PACRGL: variants seen among roughly 807,000 people sequenced by gnomAD.
PACRGL encodes the protein parkin coregulated like, also known as PACRG-like protein.
Under a neutral mutation model 34.5 loss-of-function variants are expected in PACRGL, and 38 were observed. The ratio of observed to expected loss-of-function variants is 1.10; its 90% CI spans 0.85 to 1.44. The LOEUF (loss-of-function observed/expected upper bound fraction) is 1.44. Ranked by LOEUF, PACRGL falls within the 40% of genes most tolerant of loss-of-function variation. The pLI, the probability that PACRGL is intolerant of heterozygous loss-of-function variation, is 0.00. For synonymous variants in PACRGL, 128 were observed against 100.1 expected (o/e 1.28, Z -1.66); for missense variants, 305 against 281.4 (o/e 1.08, Z -0.60).
At chr4:20,756,120 A>G (rs893753609), downstream of PACRGL, among the ~76,000 whole-genome samples, 2 of 151,926 alleles carry the variant, frequency 1.3e-5, no homozygotes, top group African/African-American at 4.8e-5. Flanking sequence ...TTTGGAGACT[A>G]CTGTGTTTAT....
intron 3 of PACRGL, 134 bp from the exon 4 acceptor site, chr4:20,707,669 A>C (rs565216546): frequency 1.6e-5 from 11 of 701,346 alleles, no homozygotes; most frequent in Admixed American, 1.3e-4. Flanking sequence ...GAGGATTGAC[A>C]GTTTTTCTCA....
At chr4:20,743,642 C>G (rs1751711141) in intron 8 of PACRGL, among the ~76,000 whole-genome samples, 1 of 152,064 alleles carries the variant, frequency 6.6e-6, no homozygotes, top group South Asian at 2.1e-4. Context: ...AAGACTTAAA[C>G]ATTAGACCTA....
At chr4:20,708,647 A>AT (rs1176363718) in intron 4 of PACRGL, among the ~76,000 whole-genome samples, 1 of 152,180 alleles carries the variant, frequency 6.6e-6, no homozygotes, top group African/African-American at 2.4e-5. Flanking sequence ...TGTAAAAACA[A>AT]TATTAGAGAG....
intron 5 of PACRGL, 150 bp from the exon 6 acceptor site, chr4:20,712,638 A>G (rs1439065276): frequency 2.5e-5 from 19 of 755,970 alleles, no homozygotes; most frequent in Non-Finnish European, 3.2e-5. Context: ...TCTCAATGTA[A>G]TTGAAATTGT....
chr4:20,713,345 C>A, intron 6 of PACRGL, 87 bp from the exon 7 acceptor site: 1 of 941,830 alleles, frequency 1.1e-6, no homozygotes, highest in Non-Finnish European at 1.7e-6. Flanking sequence ...TCTCTACTTG[C>A]TTGCCCTTTT....
chr4:20,727,892 A>T lies in PACRGL; in HGVS notation c.*551A>T, dbSNP rs1746423596. On this transcript the variant is annotated 3_prime_UTR_variant, in exon 9 of 9. Transcript: ENST00000503585. ...AGCCTCAAATTTTTGTGCTCAGATG[A>T]TCCTTTTCATCTCAGCCTCCTGATT... is the stretch of plus-strand genomic sequence containing the variant. 1 of 152,726 alleles carries T rather than the reference A, an allele frequency of 6.5e-6. No homozygotes were observed. Among genetic ancestry groups the T allele is most frequent in the Non-Finnish European group, 1.5e-5 (1 of 68,494 alleles). 9.5% of individuals were successfully genotyped at this position (152,726 alleles called of 1,614,324 possible).
intron 8 of PACRGL, among the ~76,000 whole-genome samples, chr4:20,748,944 A>G (rs923433261): frequency 6.6e-6 from 1 of 150,792 alleles, no homozygotes; most frequent in African/African-American, 2.4e-5. Context: ...CTATGTAAAT[A>G]TCTAGGACAT....
chr4:20,730,168 T>C lies in PACRGL; in HGVS notation c.*2827T>C, dbSNP rs370471191. The stretch of plus-strand genomic sequence containing the variant: ...ACACAGAGCGATTAAATTCAGCATA[T>C]CTGCAAGGAAAAGTACACTATTTTG... On this transcript the variant is annotated 3_prime_UTR_variant, in exon 9 of 9. Transcript: ENST00000503585. The C allele has an allele frequency of 1.3e-6, 2 of 1,583,624 alleles. No homozygotes were observed. Among genetic ancestry groups the C allele is most frequent in the Non-Finnish European group, 8.6e-7 (1 of 1,166,396 alleles).
downstream of PACRGL, among the ~76,000 whole-genome samples, chr4:20,756,181 A>AAC (rs1346148539): frequency 6.6e-6 from 1 of 152,026 alleles, no homozygotes; most frequent in African/African-American, 2.4e-5. Flanking sequence ...GTAAAAAAAA[A>AAC]AAAAGTGTTG....
chr4:20,701,781 C>T (rs1236941671), intron 1 of PACRGL: 3 of 449,780 alleles, frequency 6.7e-6, no homozygotes, highest in African/African-American at 6.0e-5. Context: ...CCCAAATCCA[C>T]CCATGCCAAA....
At chr4:20,721,103 C>T (rs1450258647) in intron 7 of PACRGL, among the ~76,000 whole-genome samples, 1 of 152,168 alleles carries the variant, frequency 6.6e-6, no homozygotes, top group Non-Finnish European at 1.5e-5. Flanking sequence ...ACCCTTTCTT[C>T]CACTCGATTG....
intron 1 of PACRGL, chr4:20,702,156 A>G (rs1347667525): frequency 4.4e-6 from 2 of 456,682 alleles, no homozygotes; most frequent in Admixed American, 2.3e-5. Context: ...TACAGGAACA[A>G]CTTTTTGACG....
intron 3 of PACRGL, among the ~76,000 whole-genome samples, chr4:20,706,874 A>G (rs1315588292): frequency 6.6e-6 from 1 of 152,106 alleles, no homozygotes; most frequent in Non-Finnish European, 1.5e-5. Context: ...GCGCCTGGCC[A>G]GATATGAATC....
intron 7 of PACRGL, among the ~76,000 whole-genome samples, chr4:20,721,795 C>T (rs1307514571): frequency 6.6e-6 from 1 of 152,212 alleles, no homozygotes; most frequent in African/African-American, 2.4e-5. Flanking sequence ...AGGAGGCAGT[C>T]TGTCCGTTCT....
chr4:20,713,028 A>G lies in PACRGL; in HGVS notation c.501+106A>G, dbSNP rs538301736. On this transcript the variant is annotated intron_variant, in intron 6 of 8. Transcript: ENST00000503585. Reference sequence around the variant, plus strand: ...CCTTTTTCCCTCCATATTATATGCAAAGTAGTCCTTTATCTGTGATTCTGA... The same window carrying G: ...CCTTTTTCCCTCCATATTATATGCAGAGTAGTCCTTTATCTGTGATTCTGA... 356 of 1,200,100 alleles carry G rather than the reference A, an allele frequency of 3.0e-4. 1 individual carries two copies. The highest frequency in any genetic ancestry group is 2.6e-3 in the Admixed American group (95 of 36,238). 74.3% of individuals were successfully genotyped at this position (1,200,100 alleles called of 1,614,324 possible).
chr4:20,726,176 G>C (rs1050155890), intron 8 of PACRGL, among the ~76,000 whole-genome samples: 3 of 152,002 alleles, frequency 2.0e-5, no homozygotes, highest in Non-Finnish European at 2.9e-5. Flanking sequence ...AGGGGGTGTG[G>C]AGGAGGAGAT....
intron 7 of PACRGL, among the ~76,000 whole-genome samples, chr4:20,724,603 G>A (rs1317892120): frequency 1.3e-5 from 2 of 152,094 alleles, no homozygotes; most frequent in Non-Finnish European, 2.9e-5. Context: ...GATTTTATAG[G>A]ATTGGTTTTA....
intron 6 of PACRGL, 137 bp from the exon 7 acceptor site, chr4:20,713,295 T>C: frequency 1.5e-6 from 1 of 657,704 alleles, no homozygotes; most frequent in Non-Finnish European, 2.5e-6. Context: ...CTAGGTTTTG[T>C]TGACTATCTT....
chr4:20,734,712 A>G, downstream of PACRGL: 1 of 1,587,984 alleles, frequency 6.3e-7, no homozygotes, highest in Non-Finnish European at 8.6e-7. Context: ...CCCGGAGCAA[A>G]ATGGAAAGAC....
Sources: gnomAD v4.1 joint callset for allele counts (sites outside exome capture counted in the v4.1 genomes callset) on GRCh38, gnomAD v4.1.1 for gene constraint, MANE v1.5 for transcripts, NCBI Gene and HGNC (gene_info 2026-07-23, HGNC 2026-07-21) for gene names.